Variants in TTC7B observed in about 807,000 individuals in gnomAD.
TTC7B encodes tetratricopeptide repeat domain 7B.
Under a neutral mutation model 106.8 loss-of-function variants are expected in TTC7B, and 28 were observed. The ratio of observed to expected loss-of-function variants is 0.26; its 90% CI spans 0.19 to 0.36. The LOEUF is 0.36. TTC7B is among the 10% of genes least tolerant of loss of function. The pLI, the probability that TTC7B is intolerant of heterozygous loss-of-function variation, is 1.00. For synonymous variants in TTC7B, 405 were observed against 430.6 expected (o/e 0.94, Z 0.74); for missense variants, 862 against 1,076.4 (o/e 0.80, Z 2.79).
At chr14:90,630,960 G>A (rs567123687) in intron 15 of TTC7B, among the ~76,000 whole-genome samples, 9 of 151,290 alleles carry the variant, frequency 5.9e-5, no homozygotes, top group Admixed American at 2.6e-4. Context: ...TCAGCCTCCC[G>A]AGTAGCTGGG....
intron 1 of TTC7B, among the ~76,000 whole-genome samples, chr14:90,793,694 C>T (rs1891668216): frequency 6.6e-6 from 1 of 151,228 alleles, no homozygotes; most frequent in African/African-American, 2.4e-5. Context: ...CCGCAACCTC[C>T]ACCTCCTGGG....
intron 8 of TTC7B, 35 bp downstream of exon 8, chr14:90,680,436 AG>A (rs764237161): frequency 1.3e-6 from 2 of 1,557,756 alleles, no homozygotes; most frequent in Non-Finnish European, 1.8e-6. Context: ...CTACAGGGCC[AG>A]GGGAAAGAAC....
intron 17 of TTC7B, among the ~76,000 whole-genome samples, chr14:90,605,090 C>G (rs1892583823): frequency 6.6e-6 from 1 of 152,138 alleles, no homozygotes; most frequent in Admixed American, 6.5e-5. Flanking sequence ...GGGTGGGGAC[C>G]AGGGGATCCG....
chr14:90,784,849 C>G (rs1416675272), intron 2 of TTC7B, among the ~76,000 whole-genome samples: 1 of 152,186 alleles, frequency 6.6e-6, no homozygotes, highest in Non-Finnish European at 1.5e-5. Context: ...CTCCTAGCGG[C>G]CTGGAGCTGT....
intron 1 of TTC7B, among the ~76,000 whole-genome samples, chr14:90,800,786 G>C (rs1382342486): frequency 6.6e-6 from 1 of 152,094 alleles, no homozygotes; most frequent in Non-Finnish European, 1.5e-5. Context: ...ACTCCAGCCT[G>C]GATGACAGAG....
At chr14:90,801,149 C>T (rs529410618) in intron 1 of TTC7B, among the ~76,000 whole-genome samples, 8 of 143,690 alleles carry the variant, frequency 5.6e-5, no homozygotes, top group Admixed American at 1.5e-4. Context: ...CGCTTGAGCC[C>T]GGGAGGTCGA....
In TTC7B at chr14:90,541,257, C is replaced by T. The variant is rs577661869; in HGVS notation, c.*111G>A. 3.0e-5 allele frequency: 30 copies of T among 1,007,572 alleles called. No homozygotes were observed. Among genetic ancestry groups the T allele is most frequent in the African/African-American group, 1.8e-4 (11 of 62,256 alleles). The allele number at this position is 1,007,572 out of a possible 1,614,324, so 62.4% of individuals were successfully genotyped here. A position where few individuals can be genotyped will look rare whatever the true frequency, so the allele number is the denominator to read the frequency against. ...GGTTCACTGTGGCCCACTGAACACTCGTCCCTGGCCTCAGTGTGGCAGATT... is the reference window on the plus strand; with the variant it reads ...GGTTCACTGTGGCCCACTGAACACTTGTCCCTGGCCTCAGTGTGGCAGATT... On this transcript the variant is annotated 3_prime_UTR_variant, in exon 20 of 20. Transcript: ENST00000328459.
intron 15 of TTC7B, among the ~76,000 whole-genome samples, chr14:90,637,899 C>G (rs1283700476): frequency 6.6e-6 from 1 of 152,152 alleles, no homozygotes; most frequent in Non-Finnish European, 1.5e-5. Context: ...CTGTAACAAG[C>G]ACAATTCTTT....
chr14:90,723,574 A>G (rs1355113218), intron 5 of TTC7B, among the ~76,000 whole-genome samples: 1 of 152,036 alleles, frequency 6.6e-6, no homozygotes, highest in Non-Finnish European at 1.5e-5. Flanking sequence ...CACATTTTGC[A>G]CCCACTCCTT....
intron 17 of TTC7B, 23 bp from the exon 18 acceptor site, chr14:90,593,649 C>G (rs757331474): frequency 1.3e-6 from 2 of 1,563,492 alleles, no homozygotes; most frequent in Admixed American, 3.6e-5. Context: ...TTTGAGAAGA[C>G]TCTATCAGGA....
intron 19 of TTC7B, among the ~76,000 whole-genome samples, chr14:90,566,030 AAC>A (rs1221179593): frequency 6.6e-6 from 1 of 152,190 alleles, no homozygotes; most frequent in African/African-American, 2.4e-5. Context: ...GACACAGAGA[AAC>A]ACAGTGAGCA....
intron 9 of TTC7B, among the ~76,000 whole-genome samples, chr14:90,671,180 C>T (rs1886618924): frequency 6.6e-6 from 1 of 152,128 alleles, no homozygotes; most frequent in South Asian, 2.1e-4. Context: ...AAATGGTGGG[C>T]CTGGCAAGCA....
At position 90,624,176 on chromosome 14, in the gene TTC7B, G is replaced by GA. The variant is rs1884338613; in HGVS notation, c.1752-6132_1752-6131insT. On this transcript the variant is annotated intron_variant, in intron 15 of 19. Coordinates refer to ENST00000328459, the MANE Select transcript of TTC7B (RefSeq NM_001010854.2). The surrounding 1 kb of genome is among the most constrained non-coding windows in gnomAD (Gnocchi z 4.0). Reference sequence around the variant, plus strand: ...AAAAGTCTGGTGCACATAAAATCTGGTTTTTTGAAGGACCTCGTTAATCAA... The same window carrying GA: ...AAAAGTCTGGTGCACATAAAATCTGGATTTTTTGAAGGACCTCGTTAATCAA... Among the ~76,000 whole-genome samples the GA allele has an allele frequency of 6.6e-6, 1 of 152,186 alleles. No individual in the cohort carries two copies. Among genetic ancestry groups the GA allele is most frequent in the Non-Finnish European group, 1.5e-5 (1 of 68,030 alleles).
chr14:90,644,280 C>T, intron 14 of TTC7B, 72 bp from the exon 15 acceptor site: 1 of 119,474 alleles, frequency 8.4e-6, no homozygotes, highest in Non-Finnish European at 1.3e-5. Flanking sequence ...CACACACACA[C>T]GCGCGAAAGA....
intron 5 of TTC7B, among the ~76,000 whole-genome samples, chr14:90,708,756 T>C (rs2139963972): frequency 6.6e-6 from 1 of 152,320 alleles, no homozygotes; most frequent in Admixed American, 6.5e-5. Flanking sequence ...TTACCATAGA[T>C]AGTGATTCCT....
intron 19 of TTC7B, among the ~76,000 whole-genome samples, chr14:90,554,397 G>A (rs1378832092): frequency 3.3e-5 from 5 of 152,236 alleles, no homozygotes; most frequent in African/African-American, 4.8e-5. Flanking sequence ...GCACGGACGT[G>A]AGTAAGGAAC....
At chr14:90,745,447 A>G (rs1889930617) in intron 3 of TTC7B, among the ~76,000 whole-genome samples, 1 of 152,238 alleles carries the variant, frequency 6.6e-6, no homozygotes, top group Non-Finnish European at 1.5e-5. Flanking sequence ...ACCAGGTTGA[A>G]GAAGGTGCCT....
At chr14:90,718,319 G>C (rs2139975556) in intron 5 of TTC7B, among the ~76,000 whole-genome samples, 1 of 152,280 alleles carries the variant, frequency 6.6e-6, no homozygotes. Context: ...ACTTCCACTG[G>C]GCTAGGATCT....
intron 5 of TTC7B, among the ~76,000 whole-genome samples, chr14:90,728,333 C>A (rs1456618440): frequency 3.1e-5 from 4 of 130,798 alleles, no homozygotes; most frequent in Non-Finnish European, 4.8e-5. Context: ...CCTCGTCCCC[C>A]CCGCAAAAAA....
Sources: gnomAD v4.1 joint callset for allele counts (sites outside exome capture counted in the v4.1 genomes callset) on GRCh38, gnomAD v4.1.1 for gene constraint, Gnocchi (gnomAD v3.1) non-coding constraint, MANE v1.5 for transcripts, NCBI Gene and HGNC (gene_info 2026-07-23, HGNC 2026-07-21) for gene names.